ZSCAN4: variants seen among roughly 807,000 people sequenced by gnomAD.
ZSCAN4 encodes the protein zinc finger and SCAN domain containing 4, also known as zinc finger and SCAN domain-containing protein 4.
A neutral mutation model predicts 18.3 loss-of-function variants in ZSCAN4; 18 were observed. That is an observed-to-expected ratio of 0.98 (90% CI 0.68 to 1.46). The LOEUF (loss-of-function observed/expected upper bound fraction) is 1.46. ZSCAN4 is among the 40% of genes most tolerant of loss of function. The pLI is 0.00. For missense variants in ZSCAN4, 498 were observed against 511.4 expected, an observed-to-expected ratio of 0.97 and a Z score of 0.25; for synonymous variants, 193 against 180.3, an observed-to-expected ratio of 1.07 and a Z score of -0.57.
chr19:57,671,496 GAAAAA>G (rs35157527), intron 2 of ZSCAN4, among the ~76,000 whole-genome samples: 1 of 134,602 alleles, frequency 7.4e-6, no homozygotes, highest in Admixed American at 7.6e-5. Flanking sequence ...GGTTCCACAG[GAAAAA>G]AAAAAAAAAA....
At chr19:57,660,802 T>G in the ZSCAN4 span, among the ~76,000 whole-genome samples, 1 of 152,192 alleles carries the variant, frequency 6.6e-6, no homozygotes, top group African/African-American at 2.4e-5. Flanking sequence ...CTAGTTTAAG[T>G]GGATTTTTAG....
intron 2 of ZSCAN4, among the ~76,000 whole-genome samples, chr19:57,670,917 T>C (rs1984000678): frequency 6.6e-6 from 1 of 151,934 alleles, no homozygotes; most frequent in Admixed American, 6.6e-5. Flanking sequence ...TAAAGTTTAG[T>C]AGCCCCAATC....
chr19:57,655,841 A>G, the ZSCAN4 span, among the ~76,000 whole-genome samples: 1 of 151,982 alleles, frequency 6.6e-6, no homozygotes, highest in East Asian at 1.9e-4. Context: ...GGACACCTAC[A>G]TGGTTCATTG....
At chr19:57,657,009 G>C in the ZSCAN4 span, among the ~76,000 whole-genome samples, 4 of 151,270 alleles carry the variant, frequency 2.6e-5, no homozygotes, top group African/African-American at 7.3e-5. Context: ...GCTTTGGGGG[G>C]CTGAGGAAGG....
At chr19:57,668,196 G>A (rs149152108), upstream of ZSCAN4, among the ~76,000 whole-genome samples, 626 of 152,118 alleles carry the variant, frequency 4.1e-3, 3 homozygotes, top group Non-Finnish European at 6.2e-3. Context: ...GAGCCACTGC[G>A]CCCAGCCCAT....
rs927177817 is a variant in ZSCAN4, at chr19:57,674,248, T to C, written c.-105-1793T>C. On this transcript the variant is annotated intron_variant, in intron 2 of 4. Coordinates refer to ENST00000318203, the Ensembl canonical transcript of ZSCAN4. Reference sequence around the variant, plus strand: ...AAAGTATTCTGCATATTGGTGGAAATTGGACTTCTAGTGTACCTATTACTT... The same window carrying C: ...AAAGTATTCTGCATATTGGTGGAAACTGGACTTCTAGTGTACCTATTACTT... Among the ~76,000 whole-genome samples, 7 of 152,338 alleles carry C rather than the reference T, an allele frequency of 4.6e-5. No homozygotes were observed. In the East Asian group the frequency reaches 7.7e-4, roughly 17 times the overall value.
chr19:57,678,711 T>C, exon 5 of ZSCAN4: 1 of 1,614,208 alleles, frequency 6.2e-7, no homozygotes, highest in Non-Finnish European at 8.5e-7. Flanking sequence ...GCCTTTCACA[T>C]GCAGCATGTG....
In ZSCAN4 at chr19:57,676,709, T is replaced by G. The variant is rs371144790; in HGVS notation, c.396+168T>G. Among the ~76,000 whole-genome samples, 3 of 152,112 alleles carry G rather than the reference T, an allele frequency of 2.0e-5. No individual in the cohort carries two copies. In the South Asian group the frequency reaches 6.2e-4, roughly 32 times the overall value. On this transcript the variant is annotated intron_variant, in intron 3 of 4. Coordinates refer to ENST00000318203, the Ensembl canonical transcript of ZSCAN4. Reference sequence around the variant, plus strand: ...AAGAATAATCTTCAATGTCCTAAGTTCTCAAGAAAAAAAGCAAAAAGGTAT... The same window carrying G: ...AAGAATAATCTTCAATGTCCTAAGTGCTCAAGAAAAAAAGCAAAAAGGTAT...
the ZSCAN4 span, among the ~76,000 whole-genome samples, chr19:57,655,930 C>T: frequency 6.6e-6 from 1 of 152,094 alleles, no homozygotes; most frequent in East Asian, 1.9e-4. Flanking sequence ...GAGTCCAATA[C>T]TGTCGCATCC....
chr19:57,671,496 GAAAA>G (rs35157527), intron 2 of ZSCAN4, among the ~76,000 whole-genome samples: 1 of 134,600 alleles, frequency 7.4e-6, no homozygotes, highest in Admixed American at 7.6e-5. Context: ...GGTTCCACAG[GAAAA>G]AAAAAAAAAA....
At chr19:57,670,592 A>C (rs1319046706) in intron 2 of ZSCAN4, 25 bp downstream of exon 2, 1 of 152,206 alleles carries the variant, frequency 6.6e-6, no homozygotes, top group Non-Finnish European at 1.5e-5. Flanking sequence ...TGGAAGGAAA[A>C]TTTTGTGCCT....
intron 2 of ZSCAN4, among the ~76,000 whole-genome samples, chr19:57,672,839 C>T (rs897521881): frequency 2.0e-5 from 3 of 151,940 alleles, no homozygotes; most frequent in East Asian, 1.9e-4. Context: ...TGGCCTCAAG[C>T]GATATGCCCA....
the ZSCAN4 span, among the ~76,000 whole-genome samples, chr19:57,655,315 A>T: frequency 6.6e-6 from 1 of 152,128 alleles, no homozygotes; most frequent in Non-Finnish European, 1.5e-5. Context: ...CAGTTCAAAA[A>T]ACTGAAAAAT....
intron 2 of ZSCAN4, among the ~76,000 whole-genome samples, chr19:57,673,437 C>T (rs1353519517): frequency 6.6e-6 from 1 of 152,064 alleles, no homozygotes; most frequent in Non-Finnish European, 1.5e-5. Flanking sequence ...TTCAAGACAA[C>T]CTGGACAAAA....
At chr19:57,653,147 A>G in the ZSCAN4 span, among the ~76,000 whole-genome samples, 1 of 152,232 alleles carries the variant, frequency 6.6e-6, no homozygotes, top group African/African-American at 2.4e-5. Context: ...GTCAACTATG[A>G]AAAGATAAAG....
At chr19:57,678,402 C>G in exon 5 of ZSCAN4, 1 of 1,614,028 alleles carries the variant, frequency 6.2e-7, no homozygotes, top group African/African-American at 1.3e-5. Flanking sequence ...CCAAGGTGTC[C>G]CTATGGTGAT....
At chr19:57,655,366 A>G in the ZSCAN4 span, among the ~76,000 whole-genome samples, 2 of 152,208 alleles carry the variant, frequency 1.3e-5, no homozygotes, top group South Asian at 2.1e-4. Flanking sequence ...CCCAACCCCA[A>G]CAAGCCCTTT....
At chr19:57,673,802 G>A (rs1984097641) in intron 2 of ZSCAN4, among the ~76,000 whole-genome samples, 1 of 152,092 alleles carries the variant, frequency 6.6e-6, no homozygotes, top group South Asian at 2.1e-4. Context: ...TGCCTAAGCT[G>A]AAGTGCAGTG....
intron 2 of ZSCAN4, among the ~76,000 whole-genome samples, chr19:57,674,547 C>T (rs1016693618): frequency 6.6e-6 from 1 of 152,158 alleles, no homozygotes; most frequent in Non-Finnish European, 1.5e-5. Context: ...ATGTATTTCA[C>T]ATTTTCTTTA....
Sources: allele counts gnomAD v4.1 joint callset (sites outside exome capture counted in the v4.1 genomes callset), GRCh38; gene constraint gnomAD v4.1.1; transcripts MANE v1.5; gene names NCBI Gene and HGNC (gene_info 2026-07-23, HGNC 2026-07-21).